Variants in PRKAG2 observed in about 807,000 individuals in gnomAD.
The protein encoded by PRKAG2 is protein kinase AMP-activated non-catalytic subunit gamma 2, also known as 5'-AMP-activated protein kinase subunit gamma-2.
A neutral mutation model predicts 69.6 loss-of-function variants in PRKAG2; 26 were observed. That is an observed-to-expected ratio of 0.37 (90% CI 0.27 to 0.52). PRKAG2 has a LOEUF of 0.52. PRKAG2 is among the 20% of genes least tolerant of loss of function. The probability of loss-of-function intolerance (pLI) is 0.90; values close to 1 mark genes in which losing one functional copy is unlikely to be tolerated. For missense variants in PRKAG2, 557 were observed against 740.0 expected (o/e 0.75, Z 2.87); for synonymous variants, 293 against 285.0 (o/e 1.03, Z -0.28).
intron 2 of PRKAG2, among the ~76,000 whole-genome samples, chr7:151,784,000 G>A (rs1393796327): frequency 1.3e-5 from 2 of 151,626 alleles, no homozygotes; most frequent in African/African-American, 2.4e-5. Context: ...TGGGGGCTGA[G>A]AGAAGCCAGT....
chr7:151,679,061 G>A (rs1833414236), intron 3 of PRKAG2, among the ~76,000 whole-genome samples: 1 of 152,154 alleles, frequency 6.6e-6, no homozygotes, highest in Non-Finnish European at 1.5e-5. Flanking sequence ...GGAGAGGGAA[G>A]AGGAAGAGTG....
At chr7:151,647,621 T>C (rs1827785127) in intron 4 of PRKAG2, among the ~76,000 whole-genome samples, 1 of 152,182 alleles carries the variant, frequency 6.6e-6, no homozygotes, top group Non-Finnish European at 1.5e-5. Flanking sequence ...AGGAAGAGCC[T>C]GAAGGTCAGG....
At position 151,699,081 on chromosome 7, in the gene PRKAG2, G is replaced by C. The variant is rs1837218777; in HGVS notation, c.467-23444C>G. 6.6e-6 allele frequency among the ~76,000 whole-genome samples: 1 copy of C among 152,224 alleles called. No homozygotes were observed. The highest frequency in any genetic ancestry group is 1.5e-5 in the Non-Finnish European group (1 of 68,048). ...AGGAAATGACCTGCAAGTCTGCAGAGCCAGTCTGCAAACTCTGGGGAGCAC... is the reference window on the plus strand; with the variant it reads ...AGGAAATGACCTGCAAGTCTGCAGACCCAGTCTGCAAACTCTGGGGAGCAC... On this transcript the variant is annotated intron_variant, in intron 3 of 15. Transcript: ENST00000287878. The surrounding 1 kb of genome is among the most constrained non-coding windows in gnomAD (Gnocchi z 4.5).
Position 151,781,527 on chromosome 7 carries a change from C to G in PRKAG2, c.187-96G>C. On this transcript the variant is annotated intron_variant, in intron 2 of 15. Transcript: ENST00000287878. This position sits in a 1 kb window ranked among gnomAD's most constrained non-coding sequence, Gnocchi z 6.1. ...ACTTATCATTGTCCTCTCTCACATGCGGGCCCCCCATAGTACCCTCCCAGA... is the reference window on the plus strand; with the variant it reads ...ACTTATCATTGTCCTCTCTCACATGGGGGCCCCCCATAGTACCCTCCCAGA... 2.8e-6 allele frequency: 4 copies of G among 1,433,422 alleles called. No individual in the cohort carries two copies. The highest frequency in any genetic ancestry group is 3.8e-6 in the Non-Finnish European group (4 of 1,054,582). 88.8% of individuals were successfully genotyped at this position (1,433,422 alleles called of 1,614,324 possible).
At chr7:151,729,074 G>A (rs1798476409) in intron 3 of PRKAG2, among the ~76,000 whole-genome samples, 1 of 151,626 alleles carries the variant, frequency 6.6e-6, no homozygotes, top group Non-Finnish European at 1.5e-5. Flanking sequence ...ACTTGTCCAG[G>A]GTTCCACCAG....
chr7:151,609,652 C>T (rs568723671), intron 5 of PRKAG2, among the ~76,000 whole-genome samples: 2 of 152,092 alleles, frequency 1.3e-5, no homozygotes, highest in East Asian at 3.9e-4. Context: ...ATAGACGCCC[C>T]GAGAAGCAGA....
chr7:151,832,233 A>AGGG (rs1563737727), intron 1 of PRKAG2, among the ~76,000 whole-genome samples: 38 of 52,284 alleles, frequency 7.3e-4, no homozygotes, highest in African/African-American at 2.7e-3. Flanking sequence ...GGAGGGAAGG[A>AGGG]GAGGAGGAGG....
chr7:151,633,290 A>G (rs1213985495), intron 4 of PRKAG2: 1 of 152,262 alleles, frequency 6.6e-6, no homozygotes, highest in East Asian at 1.9e-4. Context: ...CATGGTAAAA[A>G]GCTACAGCAG....
At chr7:151,783,912 CAAAAAAAAAAAAA>C (rs536105914) in intron 2 of PRKAG2, among the ~76,000 whole-genome samples, 1 of 28,944 alleles carries the variant, frequency 3.5e-5, no homozygotes, top group African/African-American at 1.2e-4. Flanking sequence ...GACCCTGTCT[CAAAAAAAAAAAAA>C]AAAAAAAAAA....
In PRKAG2 at chr7:151,560,197, A is replaced by G. The variant is rs115607103; in HGVS notation, c.1678+327T>C. ...TGACGTTCCCTCTATGTTTCTGGTC[A>G]CTAGTTCTCTCACAAAGCACAATTG... On this transcript the variant is annotated intron_variant, in intron 15 of 15. Transcript: ENST00000287878. 1,820 of 1,207,346 alleles carry G rather than the reference A, an allele frequency of 1.5e-3. 7 individuals are homozygous for G. Among genetic ancestry groups the G allele is most frequent in the African/African-American group, 0.012 (784 of 64,024 alleles). 74.8% of individuals were successfully genotyped at this position (1,207,346 alleles called of 1,614,324 possible). A position where few individuals can be genotyped will look rare whatever the true frequency, so the allele number is the denominator to read the frequency against.
At chr7:151,851,045 C>T (rs968556753) in intron 1 of PRKAG2, among the ~76,000 whole-genome samples, 2 of 152,226 alleles carry the variant, frequency 1.3e-5, no homozygotes, top group African/African-American at 4.8e-5. Context: ...CGTCTCTGTG[C>T]CTGGCCCTCT....
At chr7:151,830,529 G>A (rs2079000279) in intron 1 of PRKAG2, among the ~76,000 whole-genome samples, 1 of 151,956 alleles carries the variant, frequency 6.6e-6, no homozygotes, top group Non-Finnish European at 1.5e-5. Flanking sequence ...CTGGGGGACG[G>A]AAACTCTGAG....
chr7:151,862,217 C>T (rs772901082), intron 1 of PRKAG2, among the ~76,000 whole-genome samples: 1 of 152,034 alleles, frequency 6.6e-6, no homozygotes, highest in Non-Finnish European at 1.5e-5. Flanking sequence ...TCAGCCTGAG[C>T]CAAAGCCCAA....
intron 6 of PRKAG2, among the ~76,000 whole-genome samples, chr7:151,581,780 G>A (rs1224715999): frequency 6.6e-6 from 1 of 152,042 alleles, no homozygotes. Context: ...AGGGGTTTAA[G>A]TTTAACACTC....
intron 9 of PRKAG2, among the ~76,000 whole-genome samples, chr7:151,571,688 A>G (rs79994029): frequency 0.15 from 22,131 of 152,202 alleles, 1,724 homozygotes; most frequent in African/African-American, 0.18. Flanking sequence ...GACTGTACAG[A>G]TCCCATGCCA....
intron 4 of PRKAG2, among the ~76,000 whole-genome samples, chr7:151,665,502 AT>A (rs199765594): frequency 6.6e-6 from 1 of 152,024 alleles, no homozygotes; most frequent in African/African-American, 2.4e-5. Context: ...CAATTATAAT[AT>A]TTTTTTGACA....
chr7:151,676,179 T>A (rs946911312), intron 3 of PRKAG2, among the ~76,000 whole-genome samples: 3 of 146,084 alleles, frequency 2.1e-5, no homozygotes, highest in Admixed American at 7.2e-5. Flanking sequence ...ATGGGGAAGT[T>A]CGGAAAATGT....
chr7:151,568,507 C>T (rs1563151327), intron 11 of PRKAG2, among the ~76,000 whole-genome samples: 1 of 152,056 alleles, frequency 6.6e-6, no homozygotes, highest in Non-Finnish European at 1.5e-5. Context: ...TGTTTTGATA[C>T]TTGCACTAAA....
chr7:151,818,585 G>A (rs941774828), intron 1 of PRKAG2, among the ~76,000 whole-genome samples: 5 of 152,238 alleles, frequency 3.3e-5, no homozygotes, highest in Admixed American at 1.3e-4. Context: ...GGGCAGAGAC[G>A]CTGACCAATA....
Sources: gnomAD v4.1 joint callset for allele counts (sites outside exome capture counted in the v4.1 genomes callset) on GRCh38, gnomAD v4.1.1 for gene constraint, Gnocchi (gnomAD v3.1) non-coding constraint, MANE v1.5 for transcripts, NCBI Gene and HGNC (gene_info 2026-07-23, HGNC 2026-07-21) for gene names.